THUMPD2: variants seen among roughly 807,000 people sequenced by gnomAD.
THUMPD2 encodes the protein U6 snRNA (guanine-N(2))-methyltransferase THUMPD2.
Under a neutral mutation model 49.4 loss-of-function variants are expected in THUMPD2, and 56 were observed. The ratio of observed to expected loss-of-function variants is 1.13; its 90% CI spans 0.91 to 1.41. The LOEUF (loss-of-function observed/expected upper bound fraction) is 1.41, where lower values mean the gene tolerates loss of function less well. THUMPD2 is among the 40% of genes most tolerant of loss of function. THUMPD2 has a pLI of 0.00. For synonymous variants in THUMPD2, 237 were observed against 205.2 expected (o/e 1.15, Z -1.32); for missense variants, 709 against 594.5 (o/e 1.19, Z -2.00).
chr2:39,772,201 G>A (rs1035138), intron 1 of THUMPD2, among the ~76,000 whole-genome samples: 64,518 of 152,036 alleles, frequency 0.42, 14,940 homozygotes, highest in East Asian at 0.75. Context: ...CGGAAGTGGG[G>A]GTGAAAACCT....
intron 1 of THUMPD2, among the ~76,000 whole-genome samples, chr2:39,775,869 A>G (rs759887616): frequency 6.6e-6 from 1 of 152,138 alleles, no homozygotes; most frequent in Non-Finnish European, 1.5e-5. Flanking sequence ...TAACTATGGA[A>G]TAACTTGACT....
intron 1 of THUMPD2, among the ~76,000 whole-genome samples, chr2:39,775,605 T>C (rs1678966084): frequency 6.6e-6 from 1 of 151,858 alleles, no homozygotes. Flanking sequence ...AGAAACCCTG[T>C]CTGTACTATA....
At chr2:39,761,249 T>G (rs1463852200) in intron 6 of THUMPD2, 82 bp downstream of exon 6, 1 of 1,234,614 alleles carries the variant, frequency 8.1e-7, no homozygotes, top group African/African-American at 1.5e-5. Flanking sequence ...GCAAGTAACA[T>G]AAATATCCAT....
At chr2:39,776,827 G>A (rs1008016289) in intron 1 of THUMPD2, among the ~76,000 whole-genome samples, 1 of 152,172 alleles carries the variant, frequency 6.6e-6, no homozygotes, top group African/African-American at 2.4e-5. Context: ...ATGTTTTCAT[G>A]TTAAAATGGT....
chr2:39,770,671 G>C (rs1394611829), intron 2 of THUMPD2, among the ~76,000 whole-genome samples: 2 of 151,924 alleles, frequency 1.3e-5, no homozygotes, highest in African/African-American at 4.8e-5. Flanking sequence ...ATCTCTTCTT[G>C]ATGAACCACA....
At chr2:39,763,129 A>C (rs1677044173) in intron 5 of THUMPD2, among the ~76,000 whole-genome samples, 1 of 152,056 alleles carries the variant, frequency 6.6e-6, no homozygotes, top group Admixed American at 6.5e-5. Context: ...TACACGGTTC[A>C]AAAATAAATG....
chr2:39,757,355 G>C (rs759832592), intron 6 of THUMPD2: 12 of 1,295,382 alleles, frequency 9.3e-6, no homozygotes, highest in South Asian at 7.4e-5. Flanking sequence ...GTTTCAGTCA[G>C]AGCCATATGG....
chr2:39,755,474 T>G (rs539775331), intron 7 of THUMPD2, 65 bp from the exon 8 acceptor site: 14 of 1,079,810 alleles, frequency 1.3e-5, no homozygotes, highest in African/African-American at 8.3e-5. Context: ...GTTAAGAAAA[T>G]CGACTTGCAT....
intron 3 of THUMPD2, 197 bp from the exon 4 acceptor site, chr2:39,768,698 C>A (rs1677879716): frequency 3.0e-6 from 2 of 662,910 alleles, no homozygotes; most frequent in African/African-American, 3.6e-5. Context: ...TGCCCTAGCC[C>A]CCAGTACACC....
intron 7 of THUMPD2, 124 bp downstream of exon 7, chr2:39,755,765 T>TA (rs1453753160): frequency 2.7e-5 from 16 of 592,192 alleles, no homozygotes; most frequent in African/African-American, 1.2e-4. Context: ...TTTGAGTAAA[T>TA]AATAACTCAT....
intron 1 of THUMPD2, among the ~76,000 whole-genome samples, chr2:39,775,311 A>G (rs1342965181): frequency 6.6e-6 from 1 of 152,130 alleles, no homozygotes; most frequent in Non-Finnish European, 1.5e-5. Context: ...CTATGCAAAA[A>G]CACATCATGA....
chr2:39,765,366 G>C (rs1355642590), intron 5 of THUMPD2, among the ~76,000 whole-genome samples: 2 of 152,014 alleles, frequency 1.3e-5, no homozygotes, highest in Non-Finnish European at 2.9e-5. Context: ...CACCATGTTG[G>C]TCAGGCTGGT....
chr2:39,773,382 A>G (rs1303003233), intron 1 of THUMPD2, among the ~76,000 whole-genome samples: 5 of 151,826 alleles, frequency 3.3e-5, no homozygotes, highest in Non-Finnish European at 7.4e-5. Flanking sequence ...GTAAACAAGT[A>G]AAATGATGCA....
rs577549897 is a variant in THUMPD2, at chr2:39,779,118, G to A, written c.122C>T (p.Thr41Met). 2.6e-5 allele frequency: 40 copies of A among 1,509,566 alleles called. No homozygotes were observed. The Admixed American group carries it at 6.9e-4, about 26-fold the overall frequency. The allele number at this position is 1,509,566 out of a possible 1,614,324, so 93.5% of individuals were successfully genotyped here. ...CGCGCAGCGAGGCCAACTCACCTGC[G>A]TGGCCGCCAGCCGCGCCCGCACCTC... The part of the protein sequence containing the change: ...MREVRARLAA[T>M]QVEYISGKVF... Residue 41 changes from threonine to methionine, a missense_variant, in exon 1 of 10, where the codon ACG becomes ATG. Thr to Met is a moderately conservative substitution (Grantham distance 81). Transcript: ENST00000505747.
chr2:39,771,551 C>T lies in THUMPD2; in HGVS notation c.216G>A (p.Leu72=), dbSNP rs1678318433. 6.2e-7 allele frequency: 1 copy of T among 1,606,772 alleles called. No homozygotes were observed. The highest frequency in any genetic ancestry group is 8.5e-7 in the Non-Finnish European group (1 of 1,177,848). ...TAAGTGGAAACTGCTTTTTAATCAG[C>T]AAAAATAATCTTTCTGCAGATTTTA... is the stretch of plus-strand genomic sequence containing the variant. The part of the protein sequence containing the change: ...KKLKSAERLF[L]LIKKQFPLII... The change falls in exon 2 of 10, where the codon TTG becomes TTA. Residue 72 remains leucine, a synonymous_variant. Coordinates refer to ENST00000505747, the MANE Select transcript of THUMPD2 (RefSeq NM_025264.5).
chr2:39,743,607 A>T (rs549841780), intron 9 of THUMPD2, among the ~76,000 whole-genome samples: 1 of 152,092 alleles, frequency 6.6e-6, no homozygotes, highest in Non-Finnish European at 1.5e-5. Flanking sequence ...TTCTCACTCT[A>T]TTAGTTCCAG....
chr2:39,738,450 G>A (rs1252956537), intron 9 of THUMPD2, among the ~76,000 whole-genome samples: 1 of 151,882 alleles, frequency 6.6e-6, no homozygotes, highest in East Asian at 1.9e-4. Flanking sequence ...TGTAATCCCA[G>A]GTACTTGGGA....
chr2:39,737,116 T>A, intron 9 of THUMPD2, 57 bp from the exon 10 acceptor site: 6 of 1,444,308 alleles, frequency 4.2e-6, no homozygotes, highest in Non-Finnish European at 5.6e-6. Context: ...CAACAAACAA[T>A]CCCACTTCAT....
intron 6 of THUMPD2, among the ~76,000 whole-genome samples, chr2:39,758,872 T>C (rs1283870916): frequency 2.0e-5 from 3 of 151,444 alleles, no homozygotes; most frequent in Non-Finnish European, 4.4e-5. Flanking sequence ...AAAATAGAAT[T>C]ACTAATTACT....
Sources: gnomAD v4.1 joint callset for allele counts (sites outside exome capture counted in the v4.1 genomes callset) on GRCh38, gnomAD v4.1.1 for gene constraint, MANE v1.5 for transcripts, NCBI Gene and HGNC (gene_info 2026-07-23, HGNC 2026-07-21) for gene names.